Variants in RAD51B observed in about 807,000 individuals in gnomAD.
RAD51B encodes RAD51 paralog B, also known as DNA repair protein RAD51 homolog 2.
In RAD51B, 38 loss-of-function variants were observed where a neutral mutation model predicts 42.2. The ratio of observed to expected loss-of-function variants is 0.90; its 90% CI spans 0.70 to 1.18. The LOEUF (loss-of-function observed/expected upper bound fraction) is 1.18. Ranked by LOEUF, RAD51B falls within the 50% of genes most tolerant of loss-of-function variation. RAD51B has a pLI of 0.00. For synonymous variants in RAD51B, 154 were observed against 145.2 expected, an observed-to-expected ratio of 1.06 and a Z score of -0.43; for missense variants, 373 against 400.7, an observed-to-expected ratio of 0.93 and a Z score of 0.59.
At chr14:68,430,148 T>C (rs2084963108) in intron 9 of RAD51B, among the ~76,000 whole-genome samples, 1 of 152,210 alleles carries the variant, frequency 6.6e-6, no homozygotes. Flanking sequence ...TTGGTTACTG[T>C]AGCTTTGTGG....
intron 7 of RAD51B, among the ~76,000 whole-genome samples, chr14:68,139,599 C>T (rs1338432198): frequency 6.6e-6 from 1 of 152,228 alleles, no homozygotes; most frequent in Non-Finnish European, 1.5e-5. Flanking sequence ...CATGGGAGCA[C>T]TCCCACTGCC....
At chr14:68,091,644 G>T (rs986655218) in intron 7 of RAD51B, among the ~76,000 whole-genome samples, 6 of 152,034 alleles carry the variant, frequency 3.9e-5, no homozygotes, top group Non-Finnish European at 7.4e-5. Flanking sequence ...CCCATTCTGT[G>T]GGTTGCCTGT....
chr14:68,304,271 T>A (rs1194447549), intron 8 of RAD51B, among the ~76,000 whole-genome samples: 1 of 152,196 alleles, frequency 6.6e-6, no homozygotes, highest in Non-Finnish European at 1.5e-5. Context: ...TCAGGCACTA[T>A]ACTAAGCACA....
intron 7 of RAD51B, among the ~76,000 whole-genome samples, chr14:68,211,458 G>A (rs894475714): frequency 1.3e-5 from 2 of 152,026 alleles, no homozygotes; most frequent in African/African-American, 4.8e-5. Flanking sequence ...ACTGAATATG[G>A]TATACATGGC....
intron 10 of RAD51B, among the ~76,000 whole-genome samples, chr14:68,494,975 C>T (rs149129006): frequency 1.3e-5 from 2 of 152,340 alleles, no homozygotes; most frequent in Non-Finnish European, 2.9e-5. Context: ...TTCCTGAGTA[C>T]TGCTCATCTG....
chr14:68,147,706 T>A (rs1446651444), intron 7 of RAD51B, among the ~76,000 whole-genome samples: 1 of 151,924 alleles, frequency 6.6e-6, no homozygotes, highest in Non-Finnish European at 1.5e-5. Flanking sequence ...TTGTTCTTTA[T>A]ATTTTAAACA....
At chr14:68,582,619 G>A (rs1161478510) in intron 10 of RAD51B, among the ~76,000 whole-genome samples, 1 of 152,202 alleles carries the variant, frequency 6.6e-6, no homozygotes, top group Non-Finnish European at 1.5e-5. Flanking sequence ...TCTAGAACCA[G>A]AAATACCATT....
At chr14:67,913,051 T>G (rs867640649) in intron 7 of RAD51B, among the ~76,000 whole-genome samples, 3 of 152,188 alleles carry the variant, frequency 2.0e-5, no homozygotes, top group Admixed American at 6.5e-5. Context: ...AATCTTTTAA[T>G]AGTATCGTAA....
chr14:68,241,555 T>TA (rs886678932), intron 7 of RAD51B, among the ~76,000 whole-genome samples: 9 of 151,494 alleles, frequency 5.9e-5, no homozygotes, highest in Non-Finnish European at 1.2e-4. Flanking sequence ...TATAAAAAAA[T>TA]AAAAAAAAAT....
chr14:68,307,998 A>T (rs1265910911), intron 8 of RAD51B, among the ~76,000 whole-genome samples: 2 of 152,098 alleles, frequency 1.3e-5, no homozygotes, highest in African/African-American at 4.8e-5. Context: ...ACTGTAAATG[A>T]TGCAGTGATT....
chr14:68,039,081 G>T (rs565831273), intron 7 of RAD51B, among the ~76,000 whole-genome samples: 10 of 152,186 alleles, frequency 6.6e-5, no homozygotes, highest in African/African-American at 2.4e-4. Flanking sequence ...TTGTTTTGCT[G>T]ATTGTCTAGA....
At chr14:68,632,101 G>A (rs1233466567) in intron 10 of RAD51B, among the ~76,000 whole-genome samples, 1 of 152,080 alleles carries the variant, frequency 6.6e-6, no homozygotes, top group Non-Finnish European at 1.5e-5. Context: ...AAACCTCTGA[G>A]ACACCAAGAA....
At chr14:68,165,597 C>T in intron 7 of RAD51B, among the ~76,000 whole-genome samples, 1 of 152,068 alleles carries the variant, frequency 6.6e-6, no homozygotes, top group Non-Finnish European at 1.5e-5. Flanking sequence ...TGGCATGAAA[C>T]AGACTCATTA....
chr14:68,078,876 G>A (rs1476927724), intron 7 of RAD51B, among the ~76,000 whole-genome samples: 1 of 152,104 alleles, frequency 6.6e-6, no homozygotes, highest in Non-Finnish European at 1.5e-5. Flanking sequence ...TGTAGTCCCA[G>A]CTATTCAGGA....
chr14:68,028,348 G>A (rs150332219), intron 7 of RAD51B, among the ~76,000 whole-genome samples: 156 of 152,272 alleles, frequency 1.0e-3, no homozygotes, highest in African/African-American at 3.6e-3. Flanking sequence ...GGGCCATGAG[G>A]CTCTCTTGGG....
chr14:68,339,244 G>T, intron 8 of RAD51B: 1 of 1,146,242 alleles, frequency 8.7e-7, no homozygotes, highest in Non-Finnish European at 1.3e-6. Flanking sequence ...GCCAGCTTAA[G>T]CAGCTGAGTA....
intron 7 of RAD51B, among the ~76,000 whole-genome samples, chr14:68,158,929 T>G (rs927883548): frequency 1.3e-5 from 2 of 152,184 alleles, no homozygotes; most frequent in African/African-American, 4.8e-5. Context: ...GTTGATTCTG[T>G]TTTCTATCTT....
At chr14:68,628,467 T>A (rs913739750) in intron 10 of RAD51B, 1 of 152,386 alleles carries the variant, frequency 6.6e-6, no homozygotes, top group African/African-American at 2.4e-5. Context: ...GCCGCCCTGC[T>A]GCACAAAGGC....
At chr14:67,891,600 A>AAC (rs989187729) in intron 7 of RAD51B, among the ~76,000 whole-genome samples, 12 of 151,998 alleles carry the variant, frequency 7.9e-5, no homozygotes, top group African/African-American at 2.9e-4. Flanking sequence ...GACAAGCACA[A>AAC]ATTTTTTTTT....
Sources: allele counts gnomAD v4.1 joint callset (sites outside exome capture counted in the v4.1 genomes callset), GRCh38; gene constraint gnomAD v4.1.1; transcripts MANE v1.5; gene names NCBI Gene and HGNC (gene_info 2026-07-23, HGNC 2026-07-21).